PGR: variants seen among roughly 807,000 people sequenced by gnomAD.
PGR encodes the protein progesterone receptor, also known as nuclear receptor subfamily 3 group C member 3.
In PGR, 25 loss-of-function variants were observed where a neutral mutation model predicts 76.1. The ratio of observed to expected loss-of-function variants is 0.33; its 90% CI spans 0.24 to 0.46. PGR has a LOEUF of 0.46. Among genes scored for constraint, PGR ranks in the 20% least tolerant of loss-of-function variants. The pLI is 1.00. For synonymous variants in PGR, 579 were observed against 535.0 expected (o/e 1.08, Z -1.14); for missense variants, 1,172 against 1,225.3 (o/e 0.96, Z 0.65).
chr11:101,037,697 A>T lies in PGR; in HGVS notation c.*1419T>A, dbSNP rs1859555725. 1 of 226,318 alleles carries T rather than the reference A, an allele frequency of 4.4e-6. No individual in the cohort carries two copies. Among genetic ancestry groups the T allele is most frequent in the Non-Finnish European group, 8.8e-6 (1 of 113,722 alleles). The allele number at this position is 226,318 out of a possible 1,614,324, so 14.0% of individuals were successfully genotyped here. On this transcript the variant is annotated 3_prime_UTR_variant, in exon 8 of 8. Transcript: ENST00000325455. ...AGTAGGAAGCAAAGGTGGAAAATTT[A>T]AAAGTAATGAAGATAATTGATGGAG...
intron 2 of PGR, among the ~76,000 whole-genome samples, chr11:101,095,845 C>T (rs1861815441): frequency 6.6e-6 from 1 of 152,068 alleles, no homozygotes; most frequent in Non-Finnish European, 1.5e-5. Context: ...AGATGTGGTC[C>T]AAGAAGTCTA....
At position 101,034,680 on chromosome 11, in the gene PGR, A is replaced by C. The variant is rs1312115704; in HGVS notation, c.*4436T>G. 2 of 171,842 alleles carry C rather than the reference A, an allele frequency of 1.2e-5. No individual in the cohort carries two copies. The highest frequency in any genetic ancestry group is 2.5e-5 in the Non-Finnish European group (2 of 79,340). The allele number at this position is 171,842 out of a possible 1,614,324, so 10.6% of individuals were successfully genotyped here. On this transcript the variant is annotated 3_prime_UTR_variant, in exon 8 of 8. Transcript: ENST00000325455. ...ATGGTCTGTAAGGCCTTCTTTCCTA[A>C]GTTTATTAATAAATAGGGATGTGAT...
At position 101,062,329 on chromosome 11, in the gene PGR, C is replaced by G. The variant is rs956813078; in HGVS notation, c.2212+118G>C. 3.8e-6 allele frequency: 3 copies of G among 784,188 alleles called. No homozygotes were observed. The African/African-American group carries it at 5.2e-5, about 13-fold the overall frequency. 48.6% of individuals were successfully genotyped at this position (784,188 alleles called of 1,614,324 possible). ...TTTGAACTGCTCAAACACATACTATCACATACTGTTTTATATTGTAGTTAA... is the reference window on the plus strand; with the variant it reads ...TTTGAACTGCTCAAACACATACTATGACATACTGTTTTATATTGTAGTTAA... On this transcript the variant is annotated intron_variant, in intron 4 of 7. Coordinates refer to ENST00000325455, the MANE Select transcript of PGR (RefSeq NM_000926.4).
chr11:101,107,205 G>A (rs984089231), intron 2 of PGR, among the ~76,000 whole-genome samples: 11 of 152,138 alleles, frequency 7.2e-5, no homozygotes, highest in Non-Finnish European at 1.0e-4. Flanking sequence ...AGAACTTAAA[G>A]TATAAGTAAA....
intron 3 of PGR, among the ~76,000 whole-genome samples, chr11:101,072,973 C>T (rs1185910363): frequency 1.3e-5 from 2 of 152,130 alleles, no homozygotes; most frequent in African/African-American, 4.8e-5. Context: ...ACCAAGTGGA[C>T]CTAAGAGACA....
chr11:101,091,724 T>A (rs186687512), intron 3 of PGR, 36 bp downstream of exon 3: 12 of 990,208 alleles, frequency 1.2e-5, no homozygotes, highest in Non-Finnish European at 2.0e-5. Context: ...GTATAAAGAT[T>A]ACACAGTATA....
intron 3 of PGR, among the ~76,000 whole-genome samples, chr11:101,077,723 G>C (rs1715898034): frequency 6.6e-6 from 1 of 152,138 alleles, no homozygotes; most frequent in Admixed American, 6.6e-5. Context: ...TGTGTGAGAT[G>C]GTGTTTAGGG....
At chr11:101,051,211 C>A (rs1484848337) in intron 5 of PGR, among the ~76,000 whole-genome samples, 1 of 151,928 alleles carries the variant, frequency 6.6e-6, no homozygotes, top group Non-Finnish European at 1.5e-5. Context: ...AAATATATTT[C>A]TTGATACATT....
intron 6 of PGR, among the ~76,000 whole-genome samples, chr11:101,046,065 T>G (rs1859865419): frequency 6.6e-6 from 1 of 151,838 alleles, no homozygotes; most frequent in Non-Finnish European, 1.5e-5. Context: ...TTTTTCTTAA[T>G]TTTTCATAGT....
At chr11:101,094,576 A>G (rs1861776849) in intron 2 of PGR, among the ~76,000 whole-genome samples, 1 of 152,192 alleles carries the variant, frequency 6.6e-6, no homozygotes, top group Non-Finnish European at 1.5e-5. Context: ...AAATCTCAAT[A>G]TGAGCTCTGA....
rs1254464822 is a variant in PGR at position 101,127,997 on chromosome 11, G to C, written c.1074C>G (p.Phe358Leu). ...CGTCGGGCGGGTACGCGCAGTCGGG[G>C]AAGTCGCCTACAGCGACCGGGGTGG... ...ASSTPVAVGDFPDCAYPPDAE... is the reference protein window; with the variant it reads ...ASSTPVAVGDLPDCAYPPDAE... The change falls in exon 1 of 8, where the codon TTC (phenylalanine) becomes TTG (leucine). Residue 358 changes from phenylalanine (F) to leucine (L), a missense_variant. By Grantham distance (22) the Phe-to-Leu change is conservative (BLOSUM62 0). Transcript: ENST00000325455. 1 of 1,611,490 alleles carries C rather than the reference G, an allele frequency of 6.2e-7. No individual in the cohort carries two copies. Among genetic ancestry groups the C allele is most frequent in the African/African-American group, 1.3e-5 (1 of 75,050 alleles).
chr11:101,120,704 G>A (rs1213013992), intron 2 of PGR, among the ~76,000 whole-genome samples: 1 of 152,168 alleles, frequency 6.6e-6, no homozygotes, highest in Non-Finnish European at 1.5e-5. Flanking sequence ...AACTGAGGTA[G>A]AGGTATAGAA....
chr11:101,052,650 G>A (rs549139794), intron 4 of PGR, among the ~76,000 whole-genome samples: 58 of 152,250 alleles, frequency 3.8e-4, no homozygotes, highest in African/African-American at 1.3e-3. Flanking sequence ...AAGGGAATAA[G>A]TCTGGAGTTA....
At chr11:101,114,654 A>G (rs1189966152) in intron 2 of PGR, among the ~76,000 whole-genome samples, 1 of 152,030 alleles carries the variant, frequency 6.6e-6, no homozygotes, top group Non-Finnish European at 1.5e-5. Flanking sequence ...TAAAATGATC[A>G]TGTACTTCCT....
chr11:101,120,605 A>T (rs1475413926), intron 2 of PGR, among the ~76,000 whole-genome samples: 2 of 152,232 alleles, frequency 1.3e-5, no homozygotes, highest in Non-Finnish European at 2.9e-5. Context: ...GTATCAAAAT[A>T]ACATGATGCA....
intron 2 of PGR, among the ~76,000 whole-genome samples, chr11:101,095,686 A>G (rs1861811190): frequency 1.3e-5 from 2 of 152,242 alleles, no homozygotes; most frequent in African/African-American, 2.4e-5. Flanking sequence ...TAAAATGAAG[A>G]TAACATTAGT....
At chr11:101,102,088 A>G (rs894318222) in intron 2 of PGR, among the ~76,000 whole-genome samples, 5 of 152,218 alleles carry the variant, frequency 3.3e-5, no homozygotes, top group African/African-American at 9.6e-5. Context: ...AAAAATGCCA[A>G]TGTCCTGAAA....
At chr11:101,058,672 T>C (rs1271558467) in intron 4 of PGR, among the ~76,000 whole-genome samples, 1 of 152,202 alleles carries the variant, frequency 6.6e-6, no homozygotes, top group Non-Finnish European at 1.5e-5. Flanking sequence ...ATACCCCCTC[T>C]GTCACATCAA....
chr11:101,049,926 C>G lies in PGR; in HGVS notation c.2488+3G>C. The stretch of plus-strand genomic sequence containing the variant: ...TTGCATTAAGTTACTTGAACTCACT[C>G]ACTTGTATTAAGAAGTAACAATACT... On this transcript the variant is annotated splice_donor_region_variant and intron_variant, in intron 6 of 7. Coordinates refer to ENST00000325455, the MANE Select transcript of PGR (RefSeq NM_000926.4). 1 of 1,610,238 alleles carries G rather than the reference C, an allele frequency of 6.2e-7. No individual in the cohort carries two copies. The highest frequency in any genetic ancestry group is 8.5e-7 in the Non-Finnish European group (1 of 1,177,234).
Sources: gnomAD v4.1 joint callset for allele counts (sites outside exome capture counted in the v4.1 genomes callset) on GRCh38, gnomAD v4.1.1 for gene constraint, MANE v1.5 for transcripts, NCBI Gene and HGNC (gene_info 2026-07-23, HGNC 2026-07-21) for gene names.